Variants in VKORC1L1 observed in about 807,000 individuals in gnomAD.
VKORC1L1 encodes vitamin K epoxide reductase complex subunit 1-like protein 1.
Under a neutral mutation model 18.9 loss-of-function variants are expected in VKORC1L1, and 2 were observed. The ratio of observed to expected loss-of-function variants is 0.11; its 90% CI spans 0.04 to 0.33. The LOEUF (loss-of-function observed/expected upper bound fraction) is 0.33, where lower values mean the gene tolerates loss of function less well. VKORC1L1 is among the 10% of genes least tolerant of loss of function. The pLI is 1.00. For missense variants in VKORC1L1, 123 were observed against 224.1 expected (o/e 0.55, Z 2.88); for synonymous variants, 96 against 100.0 (o/e 0.96, Z 0.24).
chr7:65,956,531 ACT>A lies in VKORC1L1; in HGVS notation c.*2232_*2233del, dbSNP rs1790297716. 6.6e-6 allele frequency: 1 copy of A among 152,198 alleles called. No individual in the cohort carries two copies. The allele number at this position is 152,198 out of a possible 1,614,324, so 9.4% of individuals were successfully genotyped here. On this transcript the variant is annotated 3_prime_UTR_variant, in exon 3 of 3. Transcript: ENST00000360768. The stretch of plus-strand genomic sequence containing the variant: ...TGCTTTTCTAAGCCTCGGGGAAACC[ACT>A]GTTTCAGTTGTATAAAAACTTTTGC...
intron 1 of VKORC1L1, among the ~76,000 whole-genome samples, chr7:65,917,620 A>G (rs1354022657): frequency 6.6e-6 from 1 of 152,188 alleles, no homozygotes; most frequent in Non-Finnish European, 1.5e-5. Flanking sequence ...AATTTTCTAG[A>G]GAATGCCTGT....
intron 1 of VKORC1L1, among the ~76,000 whole-genome samples, chr7:65,901,140 AAGG>A (rs1194908104): frequency 1.3e-5 from 2 of 152,216 alleles, no homozygotes; most frequent in Non-Finnish European, 2.9e-5. Flanking sequence ...CCAAGAAAAA[AAGG>A]AGGAAAAATT....
chr7:65,933,941 T>G (rs1284675235), intron 1 of VKORC1L1, among the ~76,000 whole-genome samples: 1 of 152,224 alleles, frequency 6.6e-6, no homozygotes, highest in Non-Finnish European at 1.5e-5. Context: ...AATATAAAGA[T>G]TCCTTAATCC....
chr7:65,947,168 G>A (rs1201980181), intron 1 of VKORC1L1, among the ~76,000 whole-genome samples: 1 of 151,876 alleles, frequency 6.6e-6, no homozygotes, highest in Non-Finnish European at 1.5e-5. Context: ...CAAACAAAAA[G>A]GATTGCATAA....
chr7:65,954,508 A>G lies in VKORC1L1; in HGVS notation c.*208A>G. The stretch of plus-strand genomic sequence containing the variant: ...CATTTTAAATATGGATACAAAAAGG[A>G]TACGCCGAGCCAATCAAAGACAAGC... On this transcript the variant is annotated 3_prime_UTR_variant, in exon 3 of 3. Transcript: ENST00000360768. 1.1e-6 allele frequency: 1 copy of G among 875,058 alleles called. No homozygotes were observed. Among genetic ancestry groups the G allele is most frequent in the East Asian group, 2.9e-5 (1 of 35,030 alleles). The allele number at this position is 875,058 out of a possible 1,614,324, so 54.2% of individuals were successfully genotyped here.
chr7:65,909,551 T>A (rs1789465021), intron 1 of VKORC1L1, among the ~76,000 whole-genome samples: 2 of 152,158 alleles, frequency 1.3e-5, no homozygotes, highest in South Asian at 4.1e-4. Flanking sequence ...AGGAAATAGA[T>A]TTGGTTCTAT....
rs199968324 is a variant in VKORC1L1 at position 65,926,843 on chromosome 7, A to C, written c.195-21828A>C. Among the ~76,000 whole-genome samples the C allele has an allele frequency of 2.6e-5, 4 of 152,218 alleles. No homozygotes were observed. In the East Asian group the frequency reaches 7.7e-4, roughly 29 times the overall value. Reference sequence around the variant, plus strand: ...TGGAGGCCATTATCCTCAGTGAAGTAACTCAGGAAGGGAAAACCAAAAACA... The same window carrying C: ...TGGAGGCCATTATCCTCAGTGAAGTCACTCAGGAAGGGAAAACCAAAAACA... On this transcript the variant is annotated intron_variant, in intron 1 of 2. Transcript: ENST00000360768.
At chr7:65,898,392 G>A (rs914474828) in intron 1 of VKORC1L1, among the ~76,000 whole-genome samples, 1 of 152,038 alleles carries the variant, frequency 6.6e-6, no homozygotes, top group Non-Finnish European at 1.5e-5. Flanking sequence ...CCAGGTAGCA[G>A]CTCCTAAAAG....
At chr7:65,886,759 A>G (rs1302431917) in intron 1 of VKORC1L1, among the ~76,000 whole-genome samples, 1 of 150,364 alleles carries the variant, frequency 6.7e-6, no homozygotes, top group East Asian at 2.0e-4. Context: ...GGATGGTCTC[A>G]ATCTCCTGAC....
intron 1 of VKORC1L1, among the ~76,000 whole-genome samples, chr7:65,924,195 G>A (rs1789723023): frequency 6.6e-6 from 1 of 152,118 alleles, no homozygotes; most frequent in South Asian, 2.1e-4. Context: ...ACTGAGGCTG[G>A]GCATATCAGC....
chr7:65,953,543 T>A (rs866476602), intron 2 of VKORC1L1, among the ~76,000 whole-genome samples: 1 of 152,226 alleles, frequency 6.6e-6, no homozygotes. Flanking sequence ...TAGGCTAGTT[T>A]GTGAAATTAG....
At chr7:65,912,847 C>G (rs891913423) in intron 1 of VKORC1L1, among the ~76,000 whole-genome samples, 5 of 152,114 alleles carry the variant, frequency 3.3e-5, no homozygotes, top group African/African-American at 9.7e-5. Flanking sequence ...TAGATTCAAT[C>G]ATAAAATTAC....
chr7:65,931,169 A>G (rs1008988710), intron 1 of VKORC1L1, among the ~76,000 whole-genome samples: 2 of 151,336 alleles, frequency 1.3e-5, no homozygotes, highest in Non-Finnish European at 2.9e-5. Flanking sequence ...CATGAATGAT[A>G]TTGGTCTGTG....
At chr7:65,915,436 A>C (rs1444410512) in intron 1 of VKORC1L1, among the ~76,000 whole-genome samples, 5 of 139,638 alleles carry the variant, frequency 3.6e-5, no homozygotes, top group African/African-American at 1.4e-4. Context: ...TTTTAGATGG[A>C]GTCTTGCTCT....
chr7:65,876,811 G>C (rs1788834709), intron 1 of VKORC1L1, among the ~76,000 whole-genome samples: 1 of 152,186 alleles, frequency 6.6e-6, no homozygotes, highest in South Asian at 2.1e-4. Flanking sequence ...TTGGGACGCT[G>C]ACACCTGGCA....
rs761646720 is a variant in VKORC1L1 at position 65,956,891 on chromosome 7, T to G, written c.*2591T>G. 1 of 152,232 alleles carries G rather than the reference T, an allele frequency of 6.6e-6. No homozygotes were observed. Among genetic ancestry groups the G allele is most frequent in the Non-Finnish European group, 1.5e-5 (1 of 68,032 alleles). 9.4% of individuals were successfully genotyped at this position (152,232 alleles called of 1,614,324 possible). The stretch of plus-strand genomic sequence containing the variant: ...TTAGCAGTAATTCCATGCCTCATCT[T>G]TTTTAAGTGATTTGTTCCAAATGAA... On this transcript the variant is annotated 3_prime_UTR_variant, in exon 3 of 3. Coordinates refer to ENST00000360768, the MANE Select transcript of VKORC1L1 (RefSeq NM_173517.6).
intron 1 of VKORC1L1, among the ~76,000 whole-genome samples, chr7:65,916,304 T>A (rs1352431618): frequency 6.6e-6 from 1 of 152,126 alleles, no homozygotes; most frequent in African/African-American, 2.4e-5. Flanking sequence ...TAGAAAGTCA[T>A]AGAATTTAAA....
At chr7:65,893,548 A>C (rs934944936) in intron 1 of VKORC1L1, among the ~76,000 whole-genome samples, 16 of 152,234 alleles carry the variant, frequency 1.1e-4, no homozygotes, top group African/African-American at 3.4e-4. Flanking sequence ...ATCTCAAAAA[A>C]GTAAAAATAA....
chr7:65,926,908 C>A (rs190281524), intron 1 of VKORC1L1, among the ~76,000 whole-genome samples: 1 of 152,130 alleles, frequency 6.6e-6, no homozygotes, highest in East Asian at 1.9e-4. Flanking sequence ...GCTATGAGTA[C>A]TCAAAGGCAA....
Sources: allele counts gnomAD v4.1 joint callset (sites outside exome capture counted in the v4.1 genomes callset), GRCh38; gene constraint gnomAD v4.1.1; transcripts MANE v1.5; gene names NCBI Gene and HGNC (gene_info 2026-07-23, HGNC 2026-07-21).